FHIP2A: variants seen among roughly 807,000 people sequenced by gnomAD.
The protein encoded by FHIP2A is family with sequence similarity 160 member B1.
Under a neutral mutation model 93.5 loss-of-function variants are expected in FHIP2A, and 46 were observed. The observed-to-expected ratio is 0.49, with a 90% confidence interval of 0.39 to 0.63. The LOEUF (loss-of-function observed/expected upper bound fraction) is 0.63. Among genes scored for constraint, FHIP2A ranks in the 20% least tolerant of loss-of-function variants. FHIP2A has a pLI of 0.00. For missense variants in FHIP2A, 769 were observed against 909.7 expected (o/e 0.85, Z 1.99); for synonymous variants, 332 against 326.5 (o/e 1.02, Z -0.18).
intron 16 of FHIP2A, among the ~76,000 whole-genome samples, chr10:114,875,569 G>A (rs1042266156): frequency 6.6e-6 from 1 of 152,072 alleles, no homozygotes. Context: ...GATGGCGGGT[G>A]CCTGTATTCC....
intron 16 of FHIP2A, among the ~76,000 whole-genome samples, chr10:114,874,532 C>T (rs960665879): frequency 3.3e-5 from 5 of 152,012 alleles, no homozygotes; most frequent in Non-Finnish European, 5.9e-5. Flanking sequence ...GATGGAGTTT[C>T]GCTGTTGTTG....
intron 16 of FHIP2A, among the ~76,000 whole-genome samples, chr10:114,892,165 T>G (rs976720224): frequency 6.6e-6 from 1 of 152,124 alleles, no homozygotes; most frequent in African/African-American, 2.4e-5. Context: ...TTTCATAGGG[T>G]GAAGAAAATT....
At chr10:114,843,486 T>C (rs185078483) in intron 6 of FHIP2A, among the ~76,000 whole-genome samples, 1,861 of 151,942 alleles carry the variant, frequency 0.012, 43 homozygotes, top group African/African-American at 0.042. Flanking sequence ...GTATTTTTAG[T>C]AGAGATGGGG....
chr10:114,830,570 C>T (rs2143009858), intron 1 of FHIP2A, among the ~76,000 whole-genome samples: 1 of 152,100 alleles, frequency 6.6e-6, no homozygotes, highest in Middle Eastern at 3.4e-3. Context: ...CTGCCCCCAG[C>T]CTGAAACCTA....
At chr10:114,837,313 G>A (rs2083641842) in intron 5 of FHIP2A, among the ~76,000 whole-genome samples, 1 of 152,060 alleles carries the variant, frequency 6.6e-6, no homozygotes, top group Non-Finnish European at 1.5e-5. Flanking sequence ...TCAGGAGTTC[G>A]AGATCAGCCT....
Position 114,822,113 on chromosome 10 carries a change from C to A in FHIP2A, c.35C>A (p.Ala12Asp). Residue 12 changes from alanine (A) to aspartate (D), a missense_variant, in exon 1 of 17, where the codon GCC (alanine) becomes GAC (aspartate). Ala to Asp is a moderately radical substitution (Grantham distance 126). Coordinates refer to ENST00000369248, the MANE Select transcript of FHIP2A (RefSeq NM_020940.4). ...AAGTTCACCTCCATCCTGCAGCACG[C>A]CGTGGAGGCGGTAAGGCCGCGGGCT... ...FSKFTSILQH[A>D]VEALAPSLPL... is the part of the protein sequence containing the mutation. 2 of 1,338,934 alleles carry A rather than the reference C, an allele frequency of 1.5e-6. No homozygotes were observed. Among genetic ancestry groups the A allele is most frequent in the Non-Finnish European group, 2.0e-6 (2 of 1,022,994 alleles). 82.9% of individuals were successfully genotyped at this position (1,338,934 alleles called of 1,614,324 possible).
downstream of FHIP2A, among the ~76,000 whole-genome samples, chr10:114,865,844 TG>T (rs2083826277): frequency 6.6e-6 from 1 of 151,872 alleles, no homozygotes; most frequent in Non-Finnish European, 1.5e-5. Context: ...GCAGAAACAC[TG>T]CATGTGAGTT....
chr10:114,843,778 T>C lies in FHIP2A; in HGVS notation c.854T>C (p.Met285Thr). The change falls in exon 7 of 17, where the codon ATG (methionine) becomes ACG (threonine). Residue 285 changes from methionine to threonine, a missense_variant. Transcript: ENST00000369248. ...RIAVKACEGL[M>T]LLVSLPEPAA... ...GCTGTGAAGGCATGTGAAGGCTTGA[T>C]GCTGTTAGTAAGTTTGCCAGAGCCT... 1 of 1,577,014 alleles carries C rather than the reference T, an allele frequency of 6.3e-7. No homozygotes were observed. Among genetic ancestry groups the C allele is most frequent in the Non-Finnish European group, 8.6e-7 (1 of 1,168,678 alleles).
chr10:114,863,259 A>G lies in FHIP2A; in HGVS notation c.*1719A>G. On this transcript the variant is annotated 3_prime_UTR_variant, in exon 17 of 17. Coordinates refer to ENST00000369248, the MANE Select transcript of FHIP2A (RefSeq NM_020940.4). The stretch of plus-strand genomic sequence containing the variant: ...GGCATTCAGTTTGCTGTATTTTTTT[A>G]ATCACTTCATACAAGGAAAACTTCG... 1 of 979,102 alleles carries G rather than the reference A, an allele frequency of 1.0e-6. No homozygotes were observed. Among genetic ancestry groups the G allele is most frequent in the Non-Finnish European group, 1.2e-6 (1 of 825,522 alleles). 60.7% of individuals were successfully genotyped at this position (979,102 alleles called of 1,614,324 possible).
At chr10:114,849,246 GTGCTCTTTA>G (rs2083720477) in intron 13 of FHIP2A, among the ~76,000 whole-genome samples, 1 of 143,562 alleles carries the variant, frequency 7.0e-6, no homozygotes, top group Non-Finnish European at 1.5e-5. Context: ...AGATTTCTTT[GTGCTCTTTA>G]ATTTTTTCCC....
chr10:114,866,369 A>C, downstream of FHIP2A, among the ~76,000 whole-genome samples: 1 of 152,164 alleles, frequency 6.6e-6, no homozygotes. Context: ...TCTATCATTG[A>C]TGGGCATTTG....
intron 12 of FHIP2A, 144 bp from the exon 13 acceptor site, chr10:114,848,503 T>TA (rs1238292931): frequency 2.2e-5 from 13 of 583,216 alleles, no homozygotes; most frequent in African/African-American, 1.3e-4. Context: ...TAGCTGAACT[T>TA]ACGATATCAC....
At chr10:114,854,154 T>A (rs905496471) in intron 13 of FHIP2A, among the ~76,000 whole-genome samples, 7 of 151,382 alleles carry the variant, frequency 4.6e-5, no homozygotes, top group African/African-American at 7.3e-5. Flanking sequence ...TTTTTTTTTT[T>A]ATTTCCAATC....
intron 13 of FHIP2A, among the ~76,000 whole-genome samples, chr10:114,850,929 TTG>T (rs1480710290): frequency 5.9e-5 from 9 of 152,286 alleles, no homozygotes; most frequent in Middle Eastern, 6.8e-3. Context: ...TTGTTGTTGT[TTG>T]GAGACAGAGT....
chr10:114,861,388 T>A (rs2083798239), intron 16 of FHIP2A, 47 bp from the exon 17 acceptor site: 2 of 1,613,834 alleles, frequency 1.2e-6, no homozygotes. Context: ...AACTTAATGA[T>A]CGGCTGCTAT....
At chr10:114,828,215 A>AC (rs2083588603) in intron 1 of FHIP2A, among the ~76,000 whole-genome samples, 1 of 152,108 alleles carries the variant, frequency 6.6e-6, no homozygotes, top group South Asian at 2.1e-4. Context: ...TTTAAATCTA[A>AC]CTCCTGGAGG....
chr10:114,846,765 A>C, intron 11 of FHIP2A, 37 bp downstream of exon 11: 1 of 1,521,294 alleles, frequency 6.6e-7, no homozygotes, highest in Non-Finnish European at 8.8e-7. Context: ...TCAGCATTTC[A>C]TGTAGAGATA....
chr10:114,888,518 G>T (rs185097760), intron 16 of FHIP2A, among the ~76,000 whole-genome samples: 4 of 152,206 alleles, frequency 2.6e-5, no homozygotes, highest in Admixed American at 2.6e-4. Flanking sequence ...CAAAGTGTCC[G>T]TAAGATACCG....
chr10:114,875,910 G>GAGAAAGAAAGAAAGAAAGAA (rs77786368), intron 16 of FHIP2A, among the ~76,000 whole-genome samples: 2 of 74,730 alleles, frequency 2.7e-5, no homozygotes, highest in Non-Finnish European at 6.1e-5. Flanking sequence ...AATAAAGAAA[G>GAGAAAGAAAGAAAGAAAGAA]AGAAAGAAAG....
Sources: allele counts gnomAD v4.1 joint callset (sites outside exome capture counted in the v4.1 genomes callset), GRCh38; gene constraint gnomAD v4.1.1; transcripts MANE v1.5; gene names NCBI Gene and HGNC (gene_info 2026-07-23, HGNC 2026-07-21).